NOS1: variants seen among roughly 807,000 people sequenced by gnomAD.
NOS1 encodes the protein nitric oxide synthase 1.
In NOS1, 51 loss-of-function variants were observed where a neutral mutation model predicts 164.5. That is an observed-to-expected ratio of 0.31 (90% CI 0.25 to 0.39). The LOEUF (loss-of-function observed/expected upper bound fraction) is 0.39. Among genes scored for constraint, NOS1 ranks in the 10% least tolerant of loss-of-function variants. The probability of loss-of-function intolerance (pLI) is 1.00; values close to 1 mark genes in which losing one functional copy is unlikely to be tolerated. For missense variants in NOS1, 1,362 were observed against 1,885.6 expected, an observed-to-expected ratio of 0.72 and a Z score of 5.14; for synonymous variants, 719 against 745.8, an observed-to-expected ratio of 0.96 and a Z score of 0.59.
chr12:117,252,390 A>G (rs2135967318), intron 17 of NOS1, among the ~76,000 whole-genome samples: 1 of 152,342 alleles, frequency 6.6e-6, no homozygotes, highest in Admixed American at 6.5e-5. Flanking sequence ...GATTTGGCTC[A>G]CAGGTGTTAG....
intron 3 of NOS1, among the ~76,000 whole-genome samples, chr12:117,307,158 G>T (rs2136050498): frequency 6.6e-6 from 1 of 152,294 alleles, no homozygotes; most frequent in East Asian, 1.9e-4. Flanking sequence ...GCGGAGTCAA[G>T]GCCTCCCCTG....
intron 1 of NOS1, among the ~76,000 whole-genome samples, chr12:117,361,020 G>C (rs573321462): frequency 6.6e-6 from 1 of 152,172 alleles, no homozygotes; most frequent in Non-Finnish European, 1.5e-5. Context: ...AACCAAGTTG[G>C]GACGCGCAGC....
chr12:117,350,601 A>C (rs922336189), intron 1 of NOS1, among the ~76,000 whole-genome samples: 1 of 152,234 alleles, frequency 6.6e-6, no homozygotes, highest in African/African-American at 2.4e-5. Context: ...ACACACCAGC[A>C]TGTCCTGGAT....
chr12:117,348,382 C>T (rs1021139188), intron 1 of NOS1: 3 of 152,052 alleles, frequency 2.0e-5, no homozygotes, highest in South Asian at 2.1e-4. Context: ...TTGGTGCCTC[C>T]GTTTCTTCAT....
At chr12:117,278,767 A>C (rs1463689719) in intron 8 of NOS1, among the ~76,000 whole-genome samples, 13 of 150,602 alleles carry the variant, frequency 8.6e-5, no homozygotes, top group Admixed American at 8.6e-4. Context: ...TAATATTAAT[A>C]ATATACTCAT....
chr12:117,354,749 G>C (rs1245541433), intron 1 of NOS1, among the ~76,000 whole-genome samples: 1 of 152,158 alleles, frequency 6.6e-6, no homozygotes, highest in African/African-American at 2.4e-5. Context: ...TGGACACCAT[G>C]AGCTACCTTG....
chr12:117,317,359 A>G (rs1365910685), intron 2 of NOS1, among the ~76,000 whole-genome samples: 1 of 150,210 alleles, frequency 6.7e-6, no homozygotes, highest in East Asian at 2.0e-4. Flanking sequence ...CTACTTCCCC[A>G]CTACTGGTAT....
At chr12:117,340,887 T>A (rs1455249242) in intron 1 of NOS1, among the ~76,000 whole-genome samples, 3 of 143,088 alleles carry the variant, frequency 2.1e-5, no homozygotes, top group Admixed American at 7.3e-5. Context: ...TTTTTTTTTT[T>A]TTTTTTTTTG....
chr12:117,355,440 C>T (rs1183287057), intron 1 of NOS1, among the ~76,000 whole-genome samples: 1 of 152,116 alleles, frequency 6.6e-6, no homozygotes, highest in Non-Finnish European at 1.5e-5. Flanking sequence ...GGAAGTGCGT[C>T]CTGGGGTTGT....
intron 1 of NOS1, among the ~76,000 whole-genome samples, chr12:117,341,182 A>G (rs909146526): frequency 2.6e-5 from 4 of 152,168 alleles, no homozygotes; most frequent in African/African-American, 9.7e-5. Flanking sequence ...TGCTTAAGGC[A>G]CTTTGTGTTG....
intron 2 of NOS1, among the ~76,000 whole-genome samples, chr12:117,312,348 C>T (rs547835029): frequency 1.3e-5 from 2 of 152,240 alleles, no homozygotes; most frequent in East Asian, 1.9e-4. Context: ...GGATTACAGG[C>T]GTGAGCCACC....
Position 117,242,345 on chromosome 12 carries a change from C to T in NOS1, c.3041+282G>A, listed in dbSNP as rs1275717624. ...ATGCTGTGGTACAACGAACATGTGGCGAAGCTACAGGGGTGTGGTCTACTG... is the reference window on the plus strand; with the variant it reads ...ATGCTGTGGTACAACGAACATGTGGTGAAGCTACAGGGGTGTGGTCTACTG... On this transcript the variant is annotated intron_variant, in intron 20 of 28. Transcript: ENST00000317775. Among the ~76,000 whole-genome samples the T allele has an allele frequency of 4.6e-5, 7 of 152,292 alleles. No homozygotes were observed. In the South Asian group the frequency reaches 8.3e-4, roughly 18 times the overall value.
intron 1 of NOS1, among the ~76,000 whole-genome samples, chr12:117,332,742 G>C (rs564658877): frequency 2.8e-4 from 43 of 152,220 alleles, no homozygotes; most frequent in African/African-American, 1.0e-3. Flanking sequence ...GCGGGTGCCT[G>C]TAATCCCAGC....
intron 24 of NOS1, among the ~76,000 whole-genome samples, chr12:117,226,190 G>A (rs998070857): frequency 1.3e-5 from 2 of 152,198 alleles, no homozygotes; most frequent in Non-Finnish European, 2.9e-5. Context: ...TCACTGTTCA[G>A]GTAGAGAAGT....
intron 1 of NOS1, among the ~76,000 whole-genome samples, chr12:117,344,564 G>T (rs1876258657): frequency 6.6e-6 from 1 of 152,194 alleles, no homozygotes; most frequent in Admixed American, 6.5e-5. Flanking sequence ...AGTGTCAGTG[G>T]TGGGGACTCA....
chr12:117,250,560 CTCAGGTGATCCA>C (rs1263604398), intron 17 of NOS1, among the ~76,000 whole-genome samples: 1 of 152,122 alleles, frequency 6.6e-6, no homozygotes, highest in Non-Finnish European at 1.5e-5. Context: ...AACTTCTGAC[CTCAGGTGATCCA>C]CACACCTTGG....
chr12:117,236,387 C>G (rs185360932), intron 20 of NOS1, among the ~76,000 whole-genome samples: 14 of 151,972 alleles, frequency 9.2e-5, no homozygotes, highest in African/African-American at 3.1e-4. Flanking sequence ...AAGAGTTGAG[C>G]GGGCACATTA....
chr12:117,328,233 C>T (rs1029611547), intron 2 of NOS1, among the ~76,000 whole-genome samples: 12 of 152,008 alleles, frequency 7.9e-5, no homozygotes, highest in Admixed American at 4.6e-4. Context: ...TGCAGTGGTG[C>T]GATCTCGGCT....
rs574484393 is a variant in NOS1 at position 117,292,557 on chromosome 12, A to T, written c.853-2131T>A. Among the ~76,000 whole-genome samples, 6 of 152,298 alleles carry T rather than the reference A, an allele frequency of 3.9e-5. No individual in the cohort carries two copies. In the East Asian group the frequency reaches 7.7e-4, roughly 20 times the overall value. Reference sequence around the variant, plus strand: ...GAAGACTAACATTAAATGAGCACTGATTATGTGCCAAGCAACAACCTTATT... The same window carrying T: ...GAAGACTAACATTAAATGAGCACTGTTTATGTGCCAAGCAACAACCTTATT... On this transcript the variant is annotated intron_variant, in intron 3 of 28. Transcript: ENST00000317775.
Sources: gnomAD v4.1 joint callset for allele counts (sites outside exome capture counted in the v4.1 genomes callset) on GRCh38, gnomAD v4.1.1 for gene constraint, MANE v1.5 for transcripts, NCBI Gene and HGNC (gene_info 2026-07-23, HGNC 2026-07-21) for gene names.